HSPG2: variants seen among roughly 807,000 people sequenced by gnomAD.
HSPG2 encodes basement membrane-specific heparan sulfate proteoglycan core protein.
HSPG2 carries 278 observed loss-of-function variants against 526.6 expected under a neutral mutation model. That is an observed-to-expected ratio of 0.53 (90% CI 0.48 to 0.58). HSPG2 has a LOEUF of 0.58. Ranked by LOEUF, HSPG2 falls within the 20% of genes least tolerant of loss-of-function variation. The probability of loss-of-function intolerance (pLI) is 0.00; values close to 1 mark genes in which losing one functional copy is unlikely to be tolerated. For missense variants in HSPG2, 5,354 were observed against 6,099.5 expected (o/e 0.88, Z 4.07); for synonymous variants, 2,465 against 2,555.4 (o/e 0.96, Z 1.07).
In HSPG2 at chr1:21,828,515, A is replaced by T; in HGVS notation, c.12238-89T>A. The T allele has an allele frequency of 7.1e-7, 1 of 1,413,242 alleles. No homozygotes were observed. The highest frequency in any genetic ancestry group is 2.3e-5 in the East Asian group (1 of 43,574). The allele number at this position is 1,413,242 out of a possible 1,614,324, so 87.5% of individuals were successfully genotyped here. On this transcript the variant is annotated intron_variant, in intron 88 of 96. Coordinates refer to ENST00000374695, the MANE Select transcript of HSPG2 (RefSeq NM_005529.7). This position sits in a 1 kb window ranked among gnomAD's most constrained non-coding sequence, Gnocchi z 6.0. ...CAGGGAGAAGAATGCAGCAGAGGGG[A>T]GCTGGGAGCCCACATTGGGCCCTGA...
At chr1:21,849,349 C>T (rs574719762) in intron 57 of HSPG2, among the ~76,000 whole-genome samples, 21 of 152,292 alleles carry the variant, frequency 1.4e-4, no homozygotes, top group Admixed American at 9.8e-4. Flanking sequence ...ACCCCCAAGG[C>T]CTGGCCATCA....
rs750227295 is a variant in HSPG2 at position 21,854,205 on chromosome 1, T to C, written c.6427A>G (p.Ser2143Gly). The C allele has an allele frequency of 1.3e-5, 20 of 1,592,270 alleles. 1 individual carries two copies. In the South Asian group the frequency reaches 2.3e-4, roughly 18 times the overall value. ...SVLHGTHSGP[S>G]YTPVPGSTRP... ...CCTGGCTCCTCACCTGGGGTGTAGC[T>C]GGGGCCAGAATGGGTGCCGTGGAGC... Residue 2143 changes from serine (S) to glycine (G), a missense_variant, in exon 50 of 97, where the codon AGC becomes GGC. Physicochemically the swap from Ser to Gly is moderately conservative, Grantham distance 56. Transcript: ENST00000374695.
In HSPG2 at chr1:21,839,104, AG is replaced by A. The variant is rs2098038525; in HGVS notation, c.9890-20del. 3.8e-6 allele frequency: 6 copies of A among 1,567,250 alleles called. No homozygotes were observed. In the Admixed American group the frequency reaches 1.1e-4, roughly 28 times the overall value. On this transcript the variant is annotated intron_variant, in intron 73 of 96. Coordinates refer to ENST00000374695, the MANE Select transcript of HSPG2 (RefSeq NM_005529.7). The surrounding 1 kb of genome is among the most constrained non-coding windows in gnomAD (Gnocchi z 4.5). ...GGTGGGCCTGAGTGGGGGGACACAG[AG>A]GTCAGGATTGGGGAGGGCAAAGGTC... is the stretch of plus-strand genomic sequence containing the variant.
chr1:21,933,204 T>C (rs766899786), intron 1 of HSPG2, among the ~76,000 whole-genome samples: 57 of 147,148 alleles, frequency 3.9e-4, no homozygotes, highest in Non-Finnish European at 6.9e-4. Flanking sequence ...TGGGTGACAG[T>C]GTGAGACCCT....
intron 1 of HSPG2, among the ~76,000 whole-genome samples, chr1:21,914,946 C>A (rs1273948932): frequency 6.6e-6 from 1 of 152,248 alleles, no homozygotes; most frequent in Non-Finnish European, 1.5e-5. Flanking sequence ...GCACCCAGAG[C>A]CCAGCCACAG....
At chr1:21,874,055 T>G in intron 28 of HSPG2, 44 bp from the exon 29 acceptor site, 29 of 1,499,624 alleles carry the variant, frequency 1.9e-5, no homozygotes, top group South Asian at 2.4e-5. Context: ...CAGTGGCTCC[T>G]TCCTCTCCCC....
At chr1:21,913,669 C>T (rs527681690) in intron 1 of HSPG2, among the ~76,000 whole-genome samples, 53 of 152,318 alleles carry the variant, frequency 3.5e-4, no homozygotes, top group Non-Finnish European at 6.5e-4. Context: ...AAGGAGCCAT[C>T]CTAGGAAATG....
In HSPG2 at chr1:21,861,811, C is replaced by T. The variant is rs1212669896; in HGVS notation, c.4901G>A (p.Gly1634Asp). The stretch of plus-strand genomic sequence containing the variant: ...TTCGCAGGCCGTGCAGCGGTACCCG[C>T]CGGCTCCCAGGCTCTCACAGGTGCG... ...FSRTCESLGA[G>D]GYRCTACEPG... Residue 1634 changes from glycine to aspartate, a missense_variant, in exon 39 of 97, where the codon GGC becomes GAC. Gly to Asp is a moderately conservative substitution (Grantham distance 94, BLOSUM62 -1). Transcript: ENST00000374695. 6.2e-7 allele frequency: 1 copy of T among 1,613,742 alleles called. No individual in the cohort carries two copies. The highest frequency in any genetic ancestry group is 8.5e-7 in the Non-Finnish European group (1 of 1,180,042).
At position 21,841,608 on chromosome 1, in the gene HSPG2, C is replaced by G. The variant is rs755401204; in HGVS notation, c.9259G>C (p.Gly3087Arg). The G allele has an allele frequency of 5.6e-6, 9 of 1,614,050 alleles. No individual in the cohort carries two copies. Among genetic ancestry groups the G allele is most frequent in the African/African-American group, 2.7e-5 (2 of 74,930 alleles). ...TTGGAGGCCACGCAGCGGTAGGTAC[C>G]GTGGTTGCTGGGCCGGGTGCCCACG... ...TIVGTRPSNH[G>R]TYRCVASNAY... is the part of the protein sequence containing the mutation. The change falls in exon 70 of 97, where the codon GGT becomes CGT. Residue 3087 changes from glycine to arginine, a missense_variant. Gly to Arg is a moderately radical substitution (Grantham distance 125). Transcript: ENST00000374695.
rs34997831 is a variant in HSPG2, at chr1:21,928,754, A to ATT, written c.63+8399_63+8400dup. Among the ~76,000 whole-genome samples, 25 of 136,488 alleles carry ATT rather than the reference A, an allele frequency of 1.8e-4. No homozygotes were observed. The South Asian group carries it at 2.5e-3, about 14-fold the overall frequency. 89.5% of individuals were successfully genotyped at this position (136,488 alleles called of 152,430 possible). On this transcript the variant is annotated intron_variant, in intron 1 of 96. Transcript: ENST00000374695. ...ACCGCGCCCATCCTTTATTCACTTG[A>ATT]TTTTTTTTTTTTGAGATGGAGTTTT...
intron 85 of HSPG2, chr1:21,830,375 T>G (rs2152691386): frequency 1.1e-5 from 5 of 448,812 alleles, no homozygotes; most frequent in South Asian, 2.3e-5. Flanking sequence ...GGTAATGGGG[T>G]GGGCACCTGG....
Position 21,937,183 on chromosome 1 carries a change from G to A in HSPG2, c.35C>T (p.Ala12Val), listed in dbSNP as rs1206136135. The A allele has an allele frequency of 6.5e-6, 7 of 1,084,666 alleles. No individual in the cohort carries two copies. The highest frequency in any genetic ancestry group is 7.9e-6 in the Non-Finnish European group (7 of 882,696). The allele number at this position is 1,084,666 out of a possible 1,614,324, so 67.2% of individuals were successfully genotyped here. The change falls in exon 1 of 97, where the codon GCG becomes GTG. Residue 12 changes from alanine (A) to valine (V), a missense_variant. By Grantham distance (64) the Ala-to-Val change is moderately conservative. Transcript: ENST00000374695. ...GWRAAGALLL[A>V]LLLHGRLLAV... The stretch of plus-strand genomic sequence containing the variant: ...CAGCAGCCGCCCGTGCAGCAGCAGC[G>A]CCAGCAGCAGCGCGCCCGCCGCCCG...
intron 33 of HSPG2, chr1:21,869,324 G>T: frequency 5.4e-6 from 2 of 370,432 alleles, no homozygotes; most frequent in Non-Finnish European, 7.5e-6. Context: ...AGCCTGAGTT[G>T]GTACATGATT....
intron 1 of HSPG2, among the ~76,000 whole-genome samples, chr1:21,929,999 G>T (rs1644307527): frequency 6.6e-6 from 1 of 152,112 alleles, no homozygotes; most frequent in Non-Finnish European, 1.5e-5. Context: ...CCCCTTCAGT[G>T]ACTTCTCAAT....
At position 21,848,875 on chromosome 1, in the gene HSPG2, G is replaced by A. The variant is rs547754831; in HGVS notation, c.7585+18C>T. ...TCCCCCAGCCCTCCACCATTTGCAT[G>A]ACCCCCGAGACACTCACAGTGGGAG... On this transcript the variant is annotated intron_variant, in intron 58 of 96. Transcript: ENST00000374695. This position sits in a 1 kb window ranked among gnomAD's most constrained non-coding sequence, Gnocchi z 4.9. 3.7e-6 allele frequency: 6 copies of A among 1,612,730 alleles called. No homozygotes were observed. The African/African-American group carries it at 5.4e-5, about 14-fold the overall frequency.
Position 21,847,265 on chromosome 1 carries a change from A to G in HSPG2, c.8164+89T>C. 7 of 1,454,352 alleles carry G rather than the reference A, an allele frequency of 4.8e-6. No individual in the cohort carries two copies. The highest frequency in any genetic ancestry group is 6.7e-6 in the Non-Finnish European group (7 of 1,038,736). The allele number at this position is 1,454,352 out of a possible 1,614,324, so 90.1% of individuals were successfully genotyped here. A position where few individuals can be genotyped will look rare whatever the true frequency, so the allele number is the denominator to read the frequency against. On this transcript the variant is annotated intron_variant, in intron 62 of 96. Transcript: ENST00000374695. This position sits in a 1 kb window ranked among gnomAD's most constrained non-coding sequence, Gnocchi z 4.1. ...TTCCGCTGGCCCTTGCCTGAGTACC[A>G]CCAGGTCTGAGGACTCTGACCTGAA... is the stretch of plus-strand genomic sequence containing the variant.
intron 37 of HSPG2, among the ~76,000 whole-genome samples, chr1:21,862,649 T>C (rs929589487): frequency 4.7e-5 from 7 of 149,518 alleles, no homozygotes; most frequent in Non-Finnish European, 7.4e-5. Context: ...GAATAGGGAA[T>C]TGGATAAATT....
Position 21,885,354 on chromosome 1 carries a change from G to A in HSPG2, c.1176C>T (p.Ser392=), listed in dbSNP as rs142584602. 16 of 1,614,002 alleles carry A rather than the reference G, an allele frequency of 9.9e-6. No individual in the cohort carries two copies. Among genetic ancestry groups the A allele is most frequent in the Admixed American group, 3.3e-5 (2 of 60,012 alleles). ...ACTCGTCGCTCCGGTCAGGACAGTC[G>A]CTCTCCTCGTCACAGTGGAAGCTGG... ...IPASFHCDEE[S]DCPDRSDEFG... Residue 392 remains serine, a synonymous_variant, in exon 10 of 97, where the codon AGC becomes AGT. Transcript: ENST00000374695.
chr1:21,879,734 C>G (rs1443204819), intron 17 of HSPG2, among the ~76,000 whole-genome samples: 1 of 151,896 alleles, frequency 6.6e-6, no homozygotes, highest in African/African-American at 2.4e-5. Flanking sequence ...CCTACTGTAA[C>G]CTCCACCTCC....
Sources: allele counts gnomAD v4.1 joint callset (sites outside exome capture counted in the v4.1 genomes callset), GRCh38; gene constraint gnomAD v4.1.1; non-coding constraint Gnocchi (gnomAD v3.1); transcripts MANE v1.5; gene names NCBI Gene and HGNC (gene_info 2026-07-23, HGNC 2026-07-21).